The following KCNA6 variants were observed in gnomAD, a reference collection of about 807,000 sequenced individuals.
KCNA6 encodes the protein human brain potassium channel-2.
In KCNA6, 17 loss-of-function variants were observed where a neutral mutation model predicts 29.5. That is an observed-to-expected ratio of 0.58 (90% CI 0.39 to 0.86). KCNA6 has a LOEUF of 0.86. Among genes scored for constraint, KCNA6 ranks in the 40% least tolerant of loss-of-function variants. The pLI, the probability that KCNA6 is intolerant of heterozygous loss-of-function variation, is 0.00. For missense variants in KCNA6, 450 were observed against 703.4 expected (o/e 0.64, Z 4.07); for synonymous variants, 296 against 304.7 (o/e 0.97, Z 0.30).
At chr12:4,848,677 G>A in the KCNA6 span, among the ~76,000 whole-genome samples, 1 of 151,990 alleles carries the variant, frequency 6.6e-6, no homozygotes, top group African/African-American at 2.4e-5. Context: ...TGGGATTACA[G>A]GCATGCACCA....
chr12:4,822,120 C>T, the KCNA6 span, among the ~76,000 whole-genome samples: 6 of 152,182 alleles, frequency 3.9e-5, no homozygotes, highest in African/African-American at 1.4e-4. Context: ...CAGGTGTGAG[C>T]CACCGCGCCC....
At chr12:4,849,222 C>T in the KCNA6 span, among the ~76,000 whole-genome samples, 1 of 152,086 alleles carries the variant, frequency 6.6e-6, no homozygotes, top group Non-Finnish European at 1.5e-5. Flanking sequence ...AGGGAGAAAG[C>T]TTATGATGTT....
chr12:4,838,159 C>T, the KCNA6 span, among the ~76,000 whole-genome samples: 1 of 152,180 alleles, frequency 6.6e-6, no homozygotes, highest in South Asian at 2.1e-4. Flanking sequence ...TCTCCCAGAG[C>T]TTAAGAACCC....
the KCNA6 span, among the ~76,000 whole-genome samples, chr12:4,841,652 C>T: frequency 7.9e-5 from 12 of 152,240 alleles, no homozygotes; most frequent in African/African-American, 2.2e-4. Context: ...GTTAGCTTGC[C>T]GGCATAGAAA....
chr12:4,835,108 C>A, the KCNA6 span, among the ~76,000 whole-genome samples: 2 of 134,332 alleles, frequency 1.5e-5, no homozygotes, highest in South Asian at 4.9e-4. Flanking sequence ...ACTGAGTACT[C>A]CCATTTTTCT....
the KCNA6 span, chr12:4,839,044 C>T: frequency 6.6e-6 from 1 of 152,202 alleles, no homozygotes; most frequent in East Asian, 1.9e-4. Flanking sequence ...CATAGGCTCT[C>T]AGGAGTTCAG....
downstream of KCNA6, chr12:4,814,859 GAA>G (rs1946666976): frequency 1.2e-5 from 2 of 166,668 alleles, no homozygotes; most frequent in African/African-American, 2.4e-5. The surrounding 1 kb of genome is among the most constrained non-coding windows in gnomAD (Gnocchi z 4.6). Flanking sequence ...GGGAGAGAGA[GAA>G]AGTGGGGAAG....
At chr12:4,818,899 A>AAT in the KCNA6 span, among the ~76,000 whole-genome samples, 1 of 151,986 alleles carries the variant, frequency 6.6e-6, no homozygotes, top group Non-Finnish European at 1.5e-5. Context: ...TACACACATA[A>AAT]ATATATATAC....
the KCNA6 span, among the ~76,000 whole-genome samples, chr12:4,820,268 G>A: frequency 2.0e-5 from 3 of 152,058 alleles, no homozygotes; most frequent in Admixed American, 2.0e-4. Context: ...TGGATATACT[G>A]GTAATATGTA....
chr12:4,820,204 C>T, the KCNA6 span, among the ~76,000 whole-genome samples: 5 of 152,260 alleles, frequency 3.3e-5, no homozygotes, highest in South Asian at 4.2e-4. Flanking sequence ...ATTGCCCTTA[C>T]GGTGTGATTT....
chr12:4,809,933 G>C (rs1183012102), exon 1 of KCNA6: 1 of 1,306,552 alleles, frequency 7.7e-7, no homozygotes, highest in Non-Finnish European at 1.0e-6. Context: ...GAGGAGCGCG[G>C]GCCCCACCCT....
the KCNA6 span, among the ~76,000 whole-genome samples, chr12:4,831,176 A>G: frequency 6.6e-6 from 1 of 152,184 alleles, no homozygotes; most frequent in South Asian, 2.1e-4. Flanking sequence ...GGAATATGGG[A>G]CCGACGAGCT....
the KCNA6 span, among the ~76,000 whole-genome samples, chr12:4,845,418 T>A: frequency 6.6e-6 from 1 of 152,212 alleles, no homozygotes; most frequent in East Asian, 1.9e-4. Context: ...TTCTGATTGC[T>A]TTGTACGTGA....
In KCNA6 at chr12:4,810,373, A is replaced by C. The variant is rs758200741; in HGVS notation, c.332A>C (p.Asn111Thr). ...GGGGGCCGCCTGCGGAGGCCGGTCA[A>C]CGTGCCCCTGGACATTTTCCTGGAG... The change falls in exon 1 of 1, where the codon AAC (asparagine) becomes ACC (threonine). Residue 111 changes from asparagine to threonine, a missense_variant. Physicochemically the swap from Asn to Thr is moderately conservative, Grantham distance 65. Transcript: ENST00000280684. This position sits in a 1 kb window ranked among gnomAD's most constrained non-coding sequence, Gnocchi z 7.5. 1 of 1,614,138 alleles carries C rather than the reference A, an allele frequency of 6.2e-7. No homozygotes were observed. Among genetic ancestry groups the C allele is most frequent in the African/African-American group, 1.3e-5 (1 of 75,030 alleles).
chr12:4,817,153 A>G (rs1274056386), downstream of KCNA6, among the ~76,000 whole-genome samples: 1 of 152,170 alleles, frequency 6.6e-6, no homozygotes, highest in African/African-American at 2.4e-5. Context: ...AGTGTCCTCC[A>G]ATCCTACCTT....
At chr12:4,848,481 A>T in the KCNA6 span, among the ~76,000 whole-genome samples, 1 of 150,960 alleles carries the variant, frequency 6.6e-6, no homozygotes, top group Non-Finnish European at 1.5e-5. Context: ...AAATTTTCCT[A>T]CACTGTTATT....
the KCNA6 span, among the ~76,000 whole-genome samples, chr12:4,833,315 G>T: frequency 6.6e-6 from 1 of 152,156 alleles, no homozygotes; most frequent in Non-Finnish European, 1.5e-5. Flanking sequence ...ATGCATCTGT[G>T]GTCATCTCTA....
chr12:4,809,360 T>TGCG, exon 1 of KCNA6: 1 of 151,418 alleles, frequency 6.6e-6, no homozygotes, highest in East Asian at 2.0e-4. Context: ...CCGCTGCAGC[T>TGCG]GCGGCGGCGG....
chr12:4,827,418 G>A, the KCNA6 span, among the ~76,000 whole-genome samples: 20,230 of 152,122 alleles, frequency 0.13, 1,725 homozygotes, highest in African/African-American at 0.23. Flanking sequence ...TTATGATGGG[G>A]AAAATGCTGG....
Sources: gnomAD v4.1 joint callset for allele counts (sites outside exome capture counted in the v4.1 genomes callset) on GRCh38, gnomAD v4.1.1 for gene constraint, Gnocchi (gnomAD v3.1) non-coding constraint, MANE v1.5 for transcripts, NCBI Gene and HGNC (gene_info 2026-07-23, HGNC 2026-07-21) for gene names.